The following DDX47 variants were observed in gnomAD, a reference collection of about 807,000 sequenced individuals.
DDX47 encodes the protein probable ATP-dependent RNA helicase DDX47.
DDX47 carries 60 observed loss-of-function variants against 58.8 expected under a neutral mutation model. The ratio of observed to expected loss-of-function variants is 1.02; its 90% CI spans 0.83 to 1.26. DDX47 has a LOEUF of 1.26. Among genes scored for constraint, DDX47 ranks in the 50% most tolerant of loss-of-function variants. The pLI, the probability that DDX47 is intolerant of heterozygous loss-of-function variation, is 0.00. For synonymous variants in DDX47, 197 were observed against 204.6 expected (o/e 0.96, Z 0.32); for missense variants, 530 against 573.2 (o/e 0.92, Z 0.77).
chr12:12,829,347 G>A, intron 11 of DDX47, 76 bp from the exon 12 acceptor site: 1 of 1,491,578 alleles, frequency 6.7e-7, no homozygotes, highest in Non-Finnish European at 9.0e-7. Context: ...TTGATCTTAA[G>A]GAGAGGGGAC....
At position 12,815,301 on chromosome 12, in the gene DDX47, C is replaced by G. The variant is rs528094113; in HGVS notation, c.181+1077C>G. ...TTGAAAGATTTAATGATTTGAAGAG[C>G]TGTCATGTGGAAAAGGGGTTAGACT... On this transcript the variant is annotated intron_variant, in intron 2 of 11. Transcript: ENST00000358007. Among the ~76,000 whole-genome samples, 13 of 152,224 alleles carry G rather than the reference C, an allele frequency of 8.5e-5. No homozygotes were observed. The South Asian group carries it at 2.5e-3, about 29-fold the overall frequency.
chr12:12,823,430 G>C, intron 7 of DDX47, 111 bp downstream of exon 7: 1 of 742,864 alleles, frequency 1.3e-6, no homozygotes, highest in South Asian at 1.6e-5. Context: ...TTGGCATCCT[G>C]TCTGTTTGCT....
chr12:12,824,684 C>T lies in DDX47; in HGVS notation c.1035+7C>T. The T allele has an allele frequency of 6.2e-7, 1 of 1,612,804 alleles. No individual in the cohort carries two copies. The highest frequency in any genetic ancestry group is 1.3e-5 in the African/African-American group (1 of 74,986). On this transcript the variant is annotated splice_region_variant and intron_variant, in intron 9 of 11. Coordinates refer to ENST00000358007, the MANE Select transcript of DDX47 (RefSeq NM_016355.4). ...CATTCCTACCCATTCCAAGGTGAGT[C>T]CTATTGCTAACTTACCTTTCTAGTC...
chr12:12,814,503 C>T lies in DDX47; in HGVS notation c.181+279C>T, dbSNP rs1465731002. On this transcript the variant is annotated intron_variant, in intron 2 of 11. Coordinates refer to ENST00000358007, the MANE Select transcript of DDX47 (RefSeq NM_016355.4). The stretch of plus-strand genomic sequence containing the variant: ...AACGACAATCTTGGTAGACTTTATG[C>T]ATCAGTGGGCGCACACTTAGGGAAG... The T allele has an allele frequency of 3.9e-5, 14 of 360,870 alleles. No individual in the cohort carries two copies. The East Asian group carries it at 7.8e-4, about 20-fold the overall frequency. 22.4% of individuals were successfully genotyped at this position (360,870 alleles called of 1,614,324 possible).
chr12:12,827,143 A>T lies in DDX47; in HGVS notation c.1107-103A>T, dbSNP rs1364482938. The T allele has an allele frequency of 1.2e-5, 17 of 1,375,890 alleles. No individual in the cohort carries two copies. The Admixed American group carries it at 3.7e-4, about 30-fold the overall frequency. 85.2% of individuals were successfully genotyped at this position (1,375,890 alleles called of 1,614,324 possible). On this transcript the variant is annotated intron_variant, in intron 10 of 11. Transcript: ENST00000358007. The stretch of plus-strand genomic sequence containing the variant: ...AGAAATAATATGTTCAATATTGTTT[A>T]AACCTATGGTTCCTATTGCGTTGTA...
chr12:12,822,549 C>T, intron 5 of DDX47, 112 bp from the exon 6 acceptor site: 1 of 826,126 alleles, frequency 1.2e-6, no homozygotes, highest in Non-Finnish European at 2.0e-6. Context: ...AGTCCCAAAT[C>T]TTCACAGTGA....
chr12:12,824,450 A>G, intron 8 of DDX47, 90 bp from the exon 9 acceptor site: 12 of 1,442,734 alleles, frequency 8.3e-6, no homozygotes, highest in Non-Finnish European at 1.1e-5. Flanking sequence ...TAAAAAATTT[A>G]TGTCTGTTTG....
chr12:12,827,745 G>A (rs1218175809), intron 11 of DDX47, among the ~76,000 whole-genome samples: 1 of 152,052 alleles, frequency 6.6e-6, no homozygotes, highest in Non-Finnish European at 1.5e-5. Context: ...AATAACACTT[G>A]CCTGAATACC....
At position 12,822,732 on chromosome 12, in the gene DDX47, G is replaced by A; in HGVS notation, c.633G>A (p.Lys211=). The A allele has an allele frequency of 6.2e-7, 1 of 1,612,720 alleles. No individual in the cohort carries two copies. Among genetic ancestry groups the A allele is most frequent in the South Asian group, 1.1e-5 (1 of 90,994 alleles). The change falls in exon 6 of 12, where the codon AAG becomes AAA. Residue 211 remains lysine, a splice_region_variant and synonymous_variant. Transcript: ENST00000358007. ...TCTTCTCTGCCACCATGACCAAGAA[G>A]GTGAAATTTGCTAGGACTTTTGTTT... ...TFLFSATMTK[K]VQKLQRAALK...
chr12:12,829,806 C>T lies in DDX47; in HGVS notation c.*252C>T. On this transcript the variant is annotated 3_prime_UTR_variant, in exon 12 of 12. Transcript: ENST00000358007. ...ACATGAGTAGGGTGTGCTCTTCTGT[C>T]ACTTCACACAGACCTTTTGCCTTTT... The T allele has an allele frequency of 6.2e-6, 2 of 323,748 alleles. No individual in the cohort carries two copies. The allele number at this position is 323,748 out of a possible 1,614,324, so 20.1% of individuals were successfully genotyped here. A position where few individuals can be genotyped will look rare whatever the true frequency, so the allele number is the denominator to read the frequency against.
intron 1 of DDX47, 177 bp downstream of exon 1, chr12:12,813,631 G>A: frequency 1.6e-6 from 1 of 635,544 alleles, no homozygotes; most frequent in Admixed American, 2.8e-5. Context: ...GGTGGTGGGA[G>A]GGCTGCTGGG....
chr12:12,816,206 G>A (rs1396951840), intron 2 of DDX47, among the ~76,000 whole-genome samples: 2 of 152,178 alleles, frequency 1.3e-5, no homozygotes, highest in African/African-American at 2.4e-5. Flanking sequence ...AGTTGACCTT[G>A]TGGGAGGGGA....
At chr12:12,825,885 T>C (rs1326515150) in intron 9 of DDX47, 115 bp from the exon 10 acceptor site, 2 of 741,342 alleles carry the variant, frequency 2.7e-6, no homozygotes, top group Non-Finnish European at 2.1e-6. Flanking sequence ...ATTTTCTCCA[T>C]GTTACGAAAT....
chr12:12,821,436 C>T (rs772341820), intron 3 of DDX47, 40 bp downstream of exon 3: 1 of 1,607,588 alleles, frequency 6.2e-7, no homozygotes, highest in Non-Finnish European at 8.5e-7. Context: ...GTTGCCATCA[C>T]AAGTGAAGAA....
At chr12:12,827,479 T>G (rs546760625) in intron 11 of DDX47, 104 bp downstream of exon 11, 1 of 1,351,870 alleles carries the variant, frequency 7.4e-7, no homozygotes, top group East Asian at 2.3e-5. Flanking sequence ...TGGGTATTAT[T>G]TTATTCCAAA....
At position 12,827,374 on chromosome 12, in the gene DDX47, T is replaced by G; in HGVS notation, c.1235T>G (p.Met412Arg). The G allele has an allele frequency of 6.2e-7, 1 of 1,614,136 alleles. No individual in the cohort carries two copies. The highest frequency in any genetic ancestry group is 1.1e-5 in the South Asian group (1 of 91,048). Residue 412 changes from methionine to arginine, a missense_variant and splice_region_variant, in exon 11 of 12, where the codon ATG becomes AGG. Transcript: ENST00000358007. ...GCTGAAGCCCAAAGGTTTGCCCGAATGGTATGCATCTTTCTTTTCTCACCA... is the reference window on the plus strand; with the variant it reads ...GCTGAAGCCCAAAGGTTTGCCCGAAGGGTATGCATCTTTCTTTTCTCACCA... ...RVAEAQRFAR[M>R]ELREHGEKKK...
intron 7 of DDX47, 60 bp downstream of exon 7, chr12:12,823,379 A>T: frequency 9.6e-7 from 1 of 1,042,054 alleles, no homozygotes; most frequent in East Asian, 2.4e-5. Flanking sequence ...AAGCATCTGA[A>T]AATGTGTCAA....
At position 12,829,420 on chromosome 12, in the gene DDX47, C is replaced by T. The variant is rs918089355; in HGVS notation, c.1237-3C>T. 18 of 1,587,784 alleles carry T rather than the reference C, an allele frequency of 1.1e-5. No homozygotes were observed. Among genetic ancestry groups the T allele is most frequent in the Admixed American group, 3.8e-5 (2 of 53,142 alleles). ...AATCCCATCCTCTCTTTTTTTCTTG[C>T]AGGAGTTAAGGGAGCATGGAGAAAA... On this transcript the variant is annotated splice_polypyrimidine_tract_variant and splice_region_variant and intron_variant, in intron 11 of 11. Transcript: ENST00000358007.
chr12:12,827,011 C>T (rs1863061219), intron 10 of DDX47, among the ~76,000 whole-genome samples: 1 of 152,190 alleles, frequency 6.6e-6, no homozygotes, highest in African/African-American at 2.4e-5. Context: ...CCTGCTTTGA[C>T]CTCCCAAAGC....
Sources: gnomAD v4.1 joint callset for allele counts (sites outside exome capture counted in the v4.1 genomes callset) on GRCh38, gnomAD v4.1.1 for gene constraint, MANE v1.5 for transcripts, NCBI Gene and HGNC (gene_info 2026-07-23, HGNC 2026-07-21) for gene names.